RBFOX1: variants seen among roughly 807,000 people sequenced by gnomAD.
RBFOX1 encodes the protein RNA binding fox-1 homolog 1, also known as RNA binding protein fox-1 homolog 1.
A neutral mutation model predicts 57.7 loss-of-function variants in RBFOX1; 8 were observed. The ratio of observed to expected loss-of-function variants is 0.14; its 90% CI spans 0.08 to 0.25. The LOEUF (loss-of-function observed/expected upper bound fraction) is 0.25. Among genes scored for constraint, RBFOX1 ranks in the 10% least tolerant of loss-of-function variants. The pLI is 1.00. For missense variants in RBFOX1, 611 were observed against 548.5 expected, an observed-to-expected ratio of 1.11 and a Z score of -1.14; for synonymous variants, 326 against 222.4, an observed-to-expected ratio of 1.47 and a Z score of -4.15.
At chr16:7,360,716 C>G (rs1247736523) in intron 4 of RBFOX1, among the ~76,000 whole-genome samples, 1 of 152,200 alleles carries the variant, frequency 6.6e-6, no homozygotes, top group Non-Finnish European at 1.5e-5. Flanking sequence ...ATAATGCTGT[C>G]AACACACAGC....
Position 5,433,442 on chromosome 16 carries a change from G to A in RBFOX1, c.220-33774G>A, listed in dbSNP as rs574523013. Among the ~76,000 whole-genome samples, 5 of 152,238 alleles carry A rather than the reference G, an allele frequency of 3.3e-5. No individual in the cohort carries two copies. The South Asian group carries it at 1.0e-3, about 32-fold the overall frequency. ...GTTGTAGCTCAAGACTGTTTGAGTGGCAAGATTCCAACCCTAGCCTGAAAA... is the reference window on the plus strand; with the variant it reads ...GTTGTAGCTCAAGACTGTTTGAGTGACAAGATTCCAACCCTAGCCTGAAAA... On this transcript the variant is annotated intron_variant, in intron 1 of 2. Coordinates refer to the RBFOX1 transcript ENST00000585867.
At chr16:6,597,678 A>C (rs538135577) in intron 2 of RBFOX1, among the ~76,000 whole-genome samples, 6 of 152,246 alleles carry the variant, frequency 3.9e-5, no homozygotes, top group African/African-American at 1.4e-4. Context: ...ATCTCAAAAA[A>C]CAAAACAAAA....
intron 3 of RBFOX1, among the ~76,000 whole-genome samples, chr16:6,688,827 C>T (rs566723172): frequency 1.3e-5 from 2 of 152,230 alleles, no homozygotes; most frequent in East Asian, 1.9e-4. Context: ...GTGATGTTCT[C>T]CTCCCTGTGT....
intron 5 of RBFOX1, among the ~76,000 whole-genome samples, chr16:7,528,605 G>T (rs910860077): frequency 6.6e-6 from 1 of 152,088 alleles, no homozygotes; most frequent in Non-Finnish European, 1.5e-5. Flanking sequence ...CAATAGCAGG[G>T]TACTGAGCTC....
Position 6,550,112 on chromosome 16 carries a change from C to T in RBFOX1, c.-63-104491C>T, listed in dbSNP as rs573665406. On this transcript the variant is annotated intron_variant, in intron 2 of 15. Transcript: ENST00000550418. ...CCTCCAGCTGAAACATTTTTCTCTT[C>T]GCTCTGTTTGGAGTCCCTCTCCCTC... Among the ~76,000 whole-genome samples, 12 of 152,102 alleles carry T rather than the reference C, an allele frequency of 7.9e-5. 1 individual carries two copies. Among genetic ancestry groups the T allele is most frequent in the South Asian group, 4.2e-4 (2 of 4,818 alleles).
At chr16:7,344,023 A>G (rs1010355222) in intron 4 of RBFOX1, among the ~76,000 whole-genome samples, 8 of 151,650 alleles carry the variant, frequency 5.3e-5, no homozygotes, top group African/African-American at 9.7e-5. Flanking sequence ...TGTTTTCTAT[A>G]TAGGGAAGCC....
At chr16:5,551,278 C>G (rs1275046554) in intron 2 of RBFOX1, among the ~76,000 whole-genome samples, 1 of 152,202 alleles carries the variant, frequency 6.6e-6, no homozygotes. Context: ...ACTATAGTTA[C>G]TTACTTATCG....
intron 1 of RBFOX1, among the ~76,000 whole-genome samples, chr16:5,332,609 T>C (rs1035153884): frequency 6.8e-6 from 1 of 146,836 alleles, no homozygotes; most frequent in African/African-American, 2.7e-5. Flanking sequence ...TTCAAATAAA[T>C]ATATATATTA....
At chr16:7,709,533 A>G in intron 15 of RBFOX1, 1 of 1,533,468 alleles carries the variant, frequency 6.5e-7, no homozygotes, top group Non-Finnish European at 8.7e-7. Context: ...CAGAGGAGCT[A>G]AGCTGCACAC....
chr16:7,642,298 T>G (rs1045178960), intron 11 of RBFOX1, among the ~76,000 whole-genome samples: 1 of 152,176 alleles, frequency 6.6e-6, no homozygotes, highest in South Asian at 2.1e-4. Context: ...CTTTGGGCAT[T>G]GATCAAAGGA....
At chr16:6,356,698 T>C (rs1008792991) in intron 2 of RBFOX1, among the ~76,000 whole-genome samples, 1 of 152,102 alleles carries the variant, frequency 6.6e-6, no homozygotes, top group African/African-American at 2.4e-5. Context: ...GTATCCTGGA[T>C]GGAATCCTGG....
At chr16:5,637,299 AC>A (rs1249361390) in intron 3 of RBFOX1, among the ~76,000 whole-genome samples, 3 of 152,120 alleles carry the variant, frequency 2.0e-5, no homozygotes, top group Non-Finnish European at 4.4e-5. Context: ...TCTAGAGCAA[AC>A]CCTGCCCCCT....
chr16:7,330,505 TGTGTTTGTGTG>T (rs2096672744), intron 4 of RBFOX1, among the ~76,000 whole-genome samples: 1 of 80,612 alleles, frequency 1.2e-5, no homozygotes, highest in Non-Finnish European at 2.5e-5. Context: ...TGTGTGTGTG[TGTGTTTGTGTG>T]TGTGTGTGTA....
chr16:5,877,234 G>A (rs10492750), intron 4 of RBFOX1, among the ~76,000 whole-genome samples: 20,635 of 152,206 alleles, frequency 0.14, 1,906 homozygotes, highest in Non-Finnish European at 0.19. Context: ...GAGGGGTCAC[G>A]CATTTATTCA....
intron 13 of RBFOX1, 78 bp downstream of exon 13, chr16:7,665,046 C>G (rs537051773): frequency 5.5e-5 from 88 of 1,613,164 alleles, no homozygotes; most frequent in Non-Finnish European, 7.2e-5. Flanking sequence ...GTGAATTTCT[C>G]TACTTGGCGT....
At chr16:6,165,906 C>T (rs1308451056) in intron 1 of RBFOX1, among the ~76,000 whole-genome samples, 2 of 152,010 alleles carry the variant, frequency 1.3e-5, no homozygotes, top group Non-Finnish European at 2.9e-5. Flanking sequence ...AAGAGGGAGA[C>T]GTCAAACTTA....
rs117476367 is a variant in RBFOX1, at chr16:5,403,068, C to T, written c.220-64148C>T. Among the ~76,000 whole-genome samples, 73 of 151,710 alleles carry T rather than the reference C, an allele frequency of 4.8e-4. 1 individual carries two copies. In the East Asian group the frequency reaches 0.011, roughly 24 times the overall value. On this transcript the variant is annotated intron_variant, in intron 1 of 2. Coordinates refer to the RBFOX1 transcript ENST00000585867. ...CAAAAGTGTCATAAAACCCTTACTA[C>T]GGGCGGGGCATGGTGACTCATGCCT... is the stretch of plus-strand genomic sequence containing the variant.
At chr16:7,282,679 A>C (rs2095569538) in intron 4 of RBFOX1, among the ~76,000 whole-genome samples, 1 of 151,984 alleles carries the variant, frequency 6.6e-6, no homozygotes, top group African/African-American at 2.4e-5. Context: ...TGCACCCATC[A>C]CCTGAGCAGT....
chr16:7,297,150 C>T (rs1485479848), intron 4 of RBFOX1, among the ~76,000 whole-genome samples: 1 of 152,108 alleles, frequency 6.6e-6, no homozygotes, highest in Non-Finnish European at 1.5e-5. Context: ...CTTCATTGTG[C>T]CTGCAGGGAG....
Sources: allele counts gnomAD v4.1 joint callset (sites outside exome capture counted in the v4.1 genomes callset), GRCh38; gene constraint gnomAD v4.1.1; transcripts MANE v1.5; gene names NCBI Gene and HGNC (gene_info 2026-07-23, HGNC 2026-07-21).